Variants in FMNL2 observed in about 807,000 individuals in gnomAD.
The protein encoded by FMNL2 is formin-like protein 2.
Under a neutral mutation model 130.2 loss-of-function variants are expected in FMNL2, and 51 were observed. That is an observed-to-expected ratio of 0.39 (90% CI 0.31 to 0.49). FMNL2 has a LOEUF of 0.49. Ranked by LOEUF, FMNL2 falls within the 20% of genes least tolerant of loss-of-function variation. The probability of loss-of-function intolerance (pLI) is 0.85; values close to 1 mark genes in which losing one functional copy is unlikely to be tolerated. For synonymous variants in FMNL2, 465 were observed against 467.1 expected, an observed-to-expected ratio of 1.00 and a Z score of 0.06; for missense variants, 977 against 1,316.2, an observed-to-expected ratio of 0.74 and a Z score of 3.99.
At chr2:152,461,998 C>A (rs1689276584) in intron 1 of FMNL2, among the ~76,000 whole-genome samples, 1 of 152,072 alleles carries the variant, frequency 6.6e-6, no homozygotes, top group Admixed American at 6.5e-5. Flanking sequence ...AAGTCTCAAG[C>A]AATCCTCCCA....
intron 6 of FMNL2, 30 bp downstream of exon 6, chr2:152,561,065 G>A: frequency 6.4e-7 from 1 of 1,560,278 alleles, no homozygotes; most frequent in Admixed American, 1.8e-5. Flanking sequence ...AGGCAACTTT[G>A]GCAGGATGCA....
At chr2:152,427,052 C>A (rs773241263) in intron 1 of FMNL2, among the ~76,000 whole-genome samples, 17 of 152,154 alleles carry the variant, frequency 1.1e-4, no homozygotes, top group Non-Finnish European at 2.1e-4. Context: ...TCCAACTCCT[C>A]GTAGGAGAGG....
intron 1 of FMNL2, among the ~76,000 whole-genome samples, chr2:152,439,699 A>G (rs1272655889): frequency 6.6e-6 from 1 of 151,376 alleles, no homozygotes; most frequent in Non-Finnish European, 1.5e-5. Flanking sequence ...TTGATCCTGA[A>G]GACATCAAGG....
intron 1 of FMNL2, among the ~76,000 whole-genome samples, chr2:152,428,263 A>G (rs1687295960): frequency 6.6e-6 from 1 of 152,228 alleles, no homozygotes. Context: ...AGCAAATCAG[A>G]ACCGTGCTTT....
At chr2:152,542,200 A>G (rs1246540048) in intron 2 of FMNL2, among the ~76,000 whole-genome samples, 1 of 152,178 alleles carries the variant, frequency 6.6e-6, no homozygotes, top group Non-Finnish European at 1.5e-5. Flanking sequence ...ACCCATGCAA[A>G]CATAACACTC....
intron 1 of FMNL2, among the ~76,000 whole-genome samples, chr2:152,491,324 G>A (rs1002653879): frequency 2.6e-5 from 4 of 152,268 alleles, no homozygotes; most frequent in East Asian, 1.9e-4. Flanking sequence ...CCAGGCAGGG[G>A]TCGGGTAGGG....
At chr2:152,537,854 C>T (rs1300197188) in intron 2 of FMNL2, among the ~76,000 whole-genome samples, 3 of 151,848 alleles carry the variant, frequency 2.0e-5, no homozygotes, top group Admixed American at 1.3e-4. Flanking sequence ...GTTTGAACAA[C>T]AGAAACATTG....
chr2:152,400,569 G>A (rs1428004217), intron 1 of FMNL2, among the ~76,000 whole-genome samples: 1 of 152,222 alleles, frequency 6.6e-6, no homozygotes, highest in Non-Finnish European at 1.5e-5. Flanking sequence ...AGAGTATGGA[G>A]GAGGAATCAG....
In FMNL2 at chr2:152,593,838, G is replaced by GGAGAGAGAGAGAGAGA. The variant is rs147035875; in HGVS notation, c.876+12797_876+12812dup. Among the ~76,000 whole-genome samples, 34 of 85,010 alleles carry GGAGAGAGAGAGAGAGA rather than the reference G, an allele frequency of 4.0e-4. 1 individual carries two copies. Among genetic ancestry groups the GGAGAGAGAGAGAGAGA allele is most frequent in the African/African-American group, 1.4e-3 (34 of 23,990 alleles). 55.8% of individuals were successfully genotyped at this position (85,010 alleles called of 152,430 possible). On this transcript the variant is annotated intron_variant, in intron 9 of 25. Transcript: ENST00000288670. ...AACAAGTTTAAACAGAGGTGACTAG[G>GGAGAGAGAGAGAGAGA]GAGAGAGAGAGAGAGAGAGAGAGTG... is the stretch of plus-strand genomic sequence containing the variant.
At chr2:152,606,326 G>T (rs1212262956) in intron 9 of FMNL2, among the ~76,000 whole-genome samples, 1 of 152,322 alleles carries the variant, frequency 6.6e-6, no homozygotes, top group East Asian at 1.9e-4. Flanking sequence ...AATATTTTCT[G>T]AAGGTGAAAT....
intron 1 of FMNL2, among the ~76,000 whole-genome samples, chr2:152,502,705 C>T (rs1369527271): frequency 6.6e-6 from 1 of 152,092 alleles, no homozygotes; most frequent in Non-Finnish European, 1.5e-5. Context: ...CCAGAAAACC[C>T]AAAAACAACA....
intron 9 of FMNL2, among the ~76,000 whole-genome samples, chr2:152,585,590 G>T (rs1002516136): frequency 6.6e-6 from 1 of 152,150 alleles, no homozygotes; most frequent in African/African-American, 2.4e-5. Context: ...TTCCTAAAAT[G>T]TGGCTATACT....
chr2:152,623,657 A>G (rs1681532773), intron 15 of FMNL2, among the ~76,000 whole-genome samples: 4 of 152,094 alleles, frequency 2.6e-5, no homozygotes. Context: ...TGAAGCGCTG[A>G]AGTTCTCCTC....
At chr2:152,550,911 G>A (rs1177206346) in intron 4 of FMNL2, among the ~76,000 whole-genome samples, 1 of 152,080 alleles carries the variant, frequency 6.6e-6, no homozygotes, top group Non-Finnish European at 1.5e-5. Flanking sequence ...GCTGAGGTGG[G>A]TGGATCACCT....
At chr2:152,605,572 G>T (rs569898919) in intron 9 of FMNL2, among the ~76,000 whole-genome samples, 1 of 152,108 alleles carries the variant, frequency 6.6e-6, no homozygotes, top group East Asian at 1.9e-4. Flanking sequence ...CGATCCTCCC[G>T]CTTTGGCCTC....
chr2:152,497,914 T>C (rs990014238), intron 1 of FMNL2, among the ~76,000 whole-genome samples: 4 of 152,202 alleles, frequency 2.6e-5, no homozygotes, highest in African/African-American at 9.6e-5. Flanking sequence ...AGAATTCCAT[T>C]GCTTGCGGTG....
At chr2:152,621,006 G>T (rs545073177) in intron 15 of FMNL2, 2 of 985,234 alleles carry the variant, frequency 2.0e-6, no homozygotes, top group Non-Finnish European at 2.4e-6. Flanking sequence ...CAGAGTCATC[G>T]TGGAACTGAT....
intron 1 of FMNL2, among the ~76,000 whole-genome samples, chr2:152,478,907 T>C (rs1208211124): frequency 6.6e-6 from 1 of 152,130 alleles, no homozygotes; most frequent in African/African-American, 2.4e-5. Context: ...AAAACTACAG[T>C]ATATGCTTGA....
chr2:152,401,273 T>C (rs183106075), intron 1 of FMNL2, among the ~76,000 whole-genome samples: 17 of 152,346 alleles, frequency 1.1e-4, no homozygotes, highest in African/African-American at 4.1e-4. Context: ...GGAGAAGCTA[T>C]TAATTTAAAT....
Sources: gnomAD v4.1 joint callset for allele counts (sites outside exome capture counted in the v4.1 genomes callset) on GRCh38, gnomAD v4.1.1 for gene constraint, MANE v1.5 for transcripts, NCBI Gene and HGNC (gene_info 2026-07-23, HGNC 2026-07-21) for gene names.